Variants in CLNK observed in about 807,000 individuals in gnomAD.
CLNK encodes the protein cytokine-dependent hematopoietic cell linker.
CLNK carries 74 observed loss-of-function variants against 68.6 expected under a neutral mutation model. That is an observed-to-expected ratio of 1.08 (90% CI 0.89 to 1.31). The LOEUF (loss-of-function observed/expected upper bound fraction) is 1.31. CLNK is among the 50% of genes most tolerant of loss of function. The pLI, the probability that CLNK is intolerant of heterozygous loss-of-function variation, is 0.00. For missense variants in CLNK, 553 were observed against 515.3 expected (o/e 1.07, Z -0.71); for synonymous variants, 198 against 172.2 (o/e 1.15, Z -1.17).
chr4:10,727,038 C>T, the CLNK span, among the ~76,000 whole-genome samples: 222 of 152,272 alleles, frequency 1.5e-3, 1 homozygote, highest in Non-Finnish European at 1.1e-3. Context: ...ACAGCAGTAT[C>T]CCAGGCATTC....
chr4:10,627,890 T>C (rs1722738801), intron 2 of CLNK, among the ~76,000 whole-genome samples: 1 of 152,080 alleles, frequency 6.6e-6, no homozygotes, highest in Non-Finnish European at 1.5e-5. Flanking sequence ...CAGGCTTAGG[T>C]CAGGCCTCCC....
At chr4:10,730,804 GT>G in the CLNK span, among the ~76,000 whole-genome samples, 4 of 151,760 alleles carry the variant, frequency 2.6e-5, no homozygotes, top group African/African-American at 7.3e-5. Context: ...GTGTATGAGG[GT>G]TTTTTTTAAC....
At chr4:10,588,013 T>C (rs916732199) in intron 3 of CLNK, among the ~76,000 whole-genome samples, 2 of 152,218 alleles carry the variant, frequency 1.3e-5, no homozygotes, top group Non-Finnish European at 2.9e-5. Flanking sequence ...CTTGACACTT[T>C]AGACATATGG....
intron 8 of CLNK, among the ~76,000 whole-genome samples, chr4:10,548,435 T>C (rs1719320944): frequency 6.6e-6 from 1 of 152,232 alleles, no homozygotes; most frequent in South Asian, 2.1e-4. Flanking sequence ...TGCAAATATT[T>C]TCTCCCATTT....
chr4:10,697,043 T>A, the CLNK span: 1 of 152,226 alleles, frequency 6.6e-6, no homozygotes, highest in Non-Finnish European at 1.5e-5. Context: ...GTCCTCTTTC[T>A]TGGAACAATT....
At chr4:10,706,058 A>G in the CLNK span, among the ~76,000 whole-genome samples, 1 of 152,236 alleles carries the variant, frequency 6.6e-6, no homozygotes, top group South Asian at 2.1e-4. Context: ...GAGAAGAGGA[A>G]CCAGAAACAA....
chr4:10,587,666 C>T (rs559124384), intron 3 of CLNK, among the ~76,000 whole-genome samples: 5 of 152,116 alleles, frequency 3.3e-5, no homozygotes, highest in Non-Finnish European at 7.3e-5. Context: ...CATTTTAAAC[C>T]CCAAATGAAA....
intron 1 of CLNK, among the ~76,000 whole-genome samples, chr4:10,680,598 A>G (rs984301018): frequency 9.8e-5 from 15 of 152,334 alleles, no homozygotes; most frequent in African/African-American, 2.6e-4. Context: ...TAAACTCATA[A>G]TAATAATGCT....
At chr4:10,704,707 C>A in the CLNK span, among the ~76,000 whole-genome samples, 241 of 152,304 alleles carry the variant, frequency 1.6e-3, 1 homozygote, top group African/African-American at 5.6e-3. Flanking sequence ...GTCAAGCCCC[C>A]CTGTGCTCAA....
At chr4:10,649,419 G>A (rs1284454279) in intron 2 of CLNK, among the ~76,000 whole-genome samples, 1 of 152,138 alleles carries the variant, frequency 6.6e-6, no homozygotes, top group East Asian at 1.9e-4. Context: ...TTTCTCCTTG[G>A]TTGCTTTGCC....
intron 2 of CLNK, among the ~76,000 whole-genome samples, chr4:10,648,644 CA>C (rs1238695015): frequency 6.6e-6 from 1 of 152,080 alleles, no homozygotes; most frequent in Non-Finnish European, 1.5e-5. Context: ...CCAAGGCTTA[CA>C]GAGTAAAGGT....
chr4:10,578,961 G>T (rs1044335360), intron 4 of CLNK, among the ~76,000 whole-genome samples: 4 of 152,182 alleles, frequency 2.6e-5, no homozygotes, highest in African/African-American at 9.7e-5. Flanking sequence ...ACAAACTGGT[G>T]ACTCCATGTA....
the CLNK span, among the ~76,000 whole-genome samples, chr4:10,698,932 A>G: frequency 4.6e-5 from 7 of 152,238 alleles, no homozygotes; most frequent in East Asian, 1.4e-3. Context: ...TCTTTTTGTC[A>G]TGGCGGCTTG....
chr4:10,641,958 T>C (rs992535054), intron 2 of CLNK, among the ~76,000 whole-genome samples: 1 of 152,196 alleles, frequency 6.6e-6, no homozygotes, highest in African/African-American at 2.4e-5. Flanking sequence ...TGTGCCTTTC[T>C]CCTTTCCACC....
At chr4:10,513,363 A>G in intron 16 of CLNK, 101 bp downstream of exon 16, 2 of 1,125,344 alleles carry the variant, frequency 1.8e-6, no homozygotes. Flanking sequence ...GGAAAAAGTT[A>G]AAGTCAAACA....
At chr4:10,628,274 G>T (rs560429322) in intron 2 of CLNK, among the ~76,000 whole-genome samples, 1 of 150,636 alleles carries the variant, frequency 6.6e-6, no homozygotes, top group Non-Finnish European at 1.5e-5. Flanking sequence ...TCCCTCACTG[G>T]CCTTTCATTT....
intron 8 of CLNK, 30 bp downstream of exon 8, chr4:10,558,377 C>T (rs750313441): frequency 5.0e-6 from 8 of 1,603,676 alleles, no homozygotes; most frequent in African/African-American, 1.3e-5. Flanking sequence ...TTCATACTTA[C>T]ATTTTAAACT....
chr4:10,595,380 G>T (rs1313443786), intron 3 of CLNK, among the ~76,000 whole-genome samples: 1 of 152,146 alleles, frequency 6.6e-6, no homozygotes, highest in African/African-American at 2.4e-5. Flanking sequence ...TTTCATTATA[G>T]ACATGAGGAA....
At chr4:10,504,027 C>A (rs2109027524) in intron 17 of CLNK, among the ~76,000 whole-genome samples, 1 of 151,670 alleles carries the variant, frequency 6.6e-6, no homozygotes, top group Middle Eastern at 3.4e-3. Flanking sequence ...GTGATCTGTC[C>A]ACCTCAGCCG....
Sources: gnomAD v4.1 joint callset for allele counts (sites outside exome capture counted in the v4.1 genomes callset) on GRCh38, gnomAD v4.1.1 for gene constraint, MANE v1.5 for transcripts, NCBI Gene and HGNC (gene_info 2026-07-23, HGNC 2026-07-21) for gene names.